Variants in ACIN1 observed in about 807,000 individuals in gnomAD.
ACIN1 encodes apoptotic chromatin condensation inducer in the nucleus.
ACIN1 carries 16 observed loss-of-function variants against 146.6 expected under a neutral mutation model. The observed-to-expected ratio is 0.11, with a 90% CI of 0.07 to 0.17. The LOEUF (loss-of-function observed/expected upper bound fraction) is 0.17. ACIN1 is among the 10% of genes least tolerant of loss of function. The probability of loss-of-function intolerance (pLI) is 1.00; values close to 1 mark genes in which losing one functional copy is unlikely to be tolerated. For missense variants in ACIN1, 1,357 were observed against 1,609.3 expected, an observed-to-expected ratio of 0.84 and a Z score of 2.68; for synonymous variants, 569 against 582.7, an observed-to-expected ratio of 0.98 and a Z score of 0.34.
intron 13 of ACIN1, 147 bp downstream of exon 13, chr14:23,063,289 T>C: frequency 8.3e-7 from 1 of 1,207,994 alleles, no homozygotes; most frequent in South Asian, 1.6e-5. Context: ...GGCCCTCAAG[T>C]AGCTTACTTA....
chr14:23,091,269 G>C (rs1009924604), intron 2 of ACIN1, among the ~76,000 whole-genome samples: 3 of 151,964 alleles, frequency 2.0e-5, no homozygotes, highest in Non-Finnish European at 2.9e-5. Flanking sequence ...AGATTACGTG[G>C]AACATTATCT....
rs555687125 is a variant in ACIN1 at position 23,067,729 on chromosome 14, T to C, written c.2266-1721A>G. 3.4e-4 allele frequency: 340 copies of C among 985,716 alleles called. No individual in the cohort carries two copies. The highest frequency in any genetic ancestry group is 4.0e-4 in the Non-Finnish European group (334 of 830,018). 61.1% of individuals were successfully genotyped at this position (985,716 alleles called of 1,614,324 possible). A position where few individuals can be genotyped will look rare whatever the true frequency, so the allele number is the denominator to read the frequency against. On this transcript the variant is annotated intron_variant, in intron 9 of 18. Coordinates refer to ENST00000605057, the MANE Select transcript of ACIN1 (RefSeq NM_001386863.1). The surrounding 1 kb of genome is among the most constrained non-coding windows in gnomAD (Gnocchi z 4.6). The stretch of plus-strand genomic sequence containing the variant: ...GCAGGCAGGACCCTATGTCCACCAG[T>C]GGCAAGCTGCAGCAATAACACCACC...
In ACIN1 at chr14:23,067,702, A is replaced by G. The variant is rs1297408303; in HGVS notation, c.2266-1694T>C. On this transcript the variant is annotated intron_variant, in intron 9 of 18. Coordinates refer to ENST00000605057, the MANE Select transcript of ACIN1 (RefSeq NM_001386863.1). The surrounding 1 kb of genome is among the most constrained non-coding windows in gnomAD (Gnocchi z 4.6). ...AATGATCCTTGCCTTTTATCGTGAG[A>G]GGCAGGCAGGACCCTATGTCCACCA... The G allele has an allele frequency of 1.0e-6, 1 of 985,944 alleles. No homozygotes were observed. The highest frequency in any genetic ancestry group is 1.2e-6 in the Non-Finnish European group (1 of 830,028). 61.1% of individuals were successfully genotyped at this position (985,944 alleles called of 1,614,324 possible). A position where few individuals can be genotyped will look rare whatever the true frequency, so the allele number is the denominator to read the frequency against.
chr14:23,086,758 A>G (rs1474215153), intron 4 of ACIN1, among the ~76,000 whole-genome samples: 1 of 152,206 alleles, frequency 6.6e-6, no homozygotes, highest in Non-Finnish European at 1.5e-5. Flanking sequence ...TACAGGTGTG[A>G]GACACCACAC....
rs746593831 is a variant in ACIN1 at position 23,080,574 on chromosome 14, G to A, written c.761C>T (p.Pro254Leu). The A allele has an allele frequency of 6.2e-7, 1 of 1,613,940 alleles. No individual in the cohort carries two copies. The highest frequency in any genetic ancestry group is 8.5e-7 in the Non-Finnish European group (1 of 1,179,990). Residue 254 changes from proline to leucine, a missense_variant, in exon 6 of 19, where the codon CCT becomes CTT. By Grantham distance (98) the Pro-to-Leu change is moderately conservative. Coordinates refer to ENST00000605057, the MANE Select transcript of ACIN1 (RefSeq NM_001386863.1). ...CATCATCTCCTCTGGTTTTACTCTA[G>A]GTATCTCTTCCCCTTCTTCCTTAAA... ...KEFKEEGEEI[P>L]RVKPEEMMDE...
chr14:23,059,030 G>A lies in ACIN1; in HGVS notation c.*118C>T, dbSNP rs2047181622. 4.3e-6 allele frequency: 4 copies of A among 924,164 alleles called. No homozygotes were observed. Among genetic ancestry groups the A allele is most frequent in the South Asian group, 3.0e-5 (2 of 65,994 alleles). The allele number at this position is 924,164 out of a possible 1,614,324, so 57.2% of individuals were successfully genotyped here. ...CACTTTTCCATTTGGTATGTATGTA[G>A]GGATAGGTGATGTGAAAGACCCTTG... On this transcript the variant is annotated 3_prime_UTR_variant, in exon 19 of 19. Coordinates refer to ENST00000605057, the MANE Select transcript of ACIN1 (RefSeq NM_001386863.1).
rs569873420 is a variant in ACIN1, at chr14:23,061,712, G to A, written c.3100-90C>T. The stretch of plus-strand genomic sequence containing the variant: ...AGGATGGCCGGGCGCGGTGGCTCAC[G>A]CCTGTAATCCCAGCACTTTGGGAGG... On this transcript the variant is annotated intron_variant, in intron 16 of 18. Coordinates refer to ENST00000605057, the MANE Select transcript of ACIN1 (RefSeq NM_001386863.1). 5.0e-5 allele frequency: 61 copies of A among 1,211,156 alleles called. No homozygotes were observed. The African/African-American group carries it at 6.5e-4, about 13-fold the overall frequency. The allele number at this position is 1,211,156 out of a possible 1,614,324, so 75.0% of individuals were successfully genotyped here.
chr14:23,061,810 G>A lies in ACIN1; in HGVS notation c.3100-188C>T, dbSNP rs923694619. On this transcript the variant is annotated intron_variant, in intron 16 of 18. Transcript: ENST00000605057. Reference sequence around the variant, plus strand: ...GACACGGTGAAACCCCGTCTCTACTGAAAATACAAAAAAATTAGCCGGGCG... The same window carrying A: ...GACACGGTGAAACCCCGTCTCTACTAAAAATACAAAAAAATTAGCCGGGCG... Among the ~76,000 whole-genome samples the A allele has an allele frequency of 7.2e-5, 11 of 151,836 alleles. No homozygotes were observed. In the East Asian group the frequency reaches 2.1e-3, roughly 29 times the overall value.
chr14:23,062,272 A>G lies in ACIN1; in HGVS notation c.2995T>C (p.Ser999Pro). Residue 999 changes from serine (S) to proline (P), a missense_variant, in exon 16 of 19, where the codon TCA (serine) becomes CCA (proline). Ser to Pro is a moderately conservative substitution (Grantham distance 74). Around this residue, in one of 4 missense-constraint regions of ACIN1, gnomAD observed 509 missense variants for 719.6 expected, o/e 0.71. Transcript: ENST00000605057. ...GTGGCAACAGCTTCCTCTACTGTTGAGTACTGGTGGAGGAAGGGAGAAGAT... is the reference window on the plus strand; with the variant it reads ...GTGGCAACAGCTTCCTCTACTGTTGGGTACTGGTGGAGGAAGGGAGAAGAT... ...KIKSHCFVTY[S>P]TVEEAVATRT... 6.8e-6 allele frequency: 11 copies of G among 1,613,068 alleles called. No individual in the cohort carries two copies. The highest frequency in any genetic ancestry group is 9.3e-6 in the Non-Finnish European group (11 of 1,179,132).
Position 23,080,457 on chromosome 14 carries a change from T to C in ACIN1, c.878A>G (p.His293Arg). The C allele has an allele frequency of 6.2e-7, 1 of 1,614,192 alleles. No homozygotes were observed. Among genetic ancestry groups the C allele is most frequent in the Non-Finnish European group, 8.5e-7 (1 of 1,180,042 alleles). ...CTTCTCCTGCTGCTGTCTGGCCAGA[T>C]GACTTTTTCTAGCCTCTTCCTGGGA... ...TRSQEEARKS[H>R]LARQQQEKEM... is the part of the protein sequence containing the mutation. The change falls in exon 6 of 19, where the codon CAT (histidine) becomes CGT (arginine). Residue 293 changes from histidine (H) to arginine (R), a missense_variant. Around this residue, in one of 4 missense-constraint regions of ACIN1, gnomAD observed 771 missense variants for 746.6 expected, o/e 1.03. Transcript: ENST00000605057.
chr14:23,071,970 G>A (rs1007856813), intron 8 of ACIN1, among the ~76,000 whole-genome samples: 2 of 152,178 alleles, frequency 1.3e-5, no homozygotes, highest in South Asian at 4.2e-4. Context: ...CTGGATAGAG[G>A]GTGGGGCATG....
At chr14:23,064,061 A>G in intron 12 of ACIN1, 44 bp downstream of exon 12, 1 of 1,610,240 alleles carries the variant, frequency 6.2e-7, no homozygotes, top group Non-Finnish European at 8.5e-7. Context: ...CTCTGCATCT[A>G]CTGCTCCCAC....
At chr14:23,077,961 C>T in intron 8 of ACIN1, 190 bp downstream of exon 8, 1 of 454,070 alleles carries the variant, frequency 2.2e-6, no homozygotes, top group Non-Finnish European at 3.9e-6. Flanking sequence ...CCCTGACGAC[C>T]ACTTTTCAGG....
intron 4 of ACIN1, among the ~76,000 whole-genome samples, chr14:23,088,126 G>A (rs2048133879): frequency 6.6e-6 from 1 of 152,164 alleles, no homozygotes; most frequent in Admixed American, 6.5e-5. Context: ...TACTCTCACA[G>A]AGATATGTAT....
intron 10 of ACIN1, 153 bp from the exon 11 acceptor site, chr14:23,064,641 G>A (rs962596630): frequency 6.6e-5 from 73 of 1,108,476 alleles, no homozygotes; most frequent in Non-Finnish European, 8.8e-5. Flanking sequence ...GCTCACACCT[G>A]TAATCCCAGC....
At position 23,063,451 on chromosome 14, in the gene ACIN1, G is replaced by A; in HGVS notation, c.2722C>T (p.His908Tyr). The stretch of plus-strand genomic sequence containing the variant: ...TGTCACTCACCTTTCTTTACTTCAT[G>A]CTCTGCAGGTGGGGGCAAGGCCACC... The part of the protein sequence containing the change: ...VEVALPPPAE[H>Y]EVKKVTLGDT... Residue 908 changes from histidine to tyrosine, a missense_variant, in exon 13 of 19, where the codon CAT becomes TAT. Transcript: ENST00000605057. The A allele has an allele frequency of 6.2e-7, 1 of 1,614,090 alleles. No individual in the cohort carries two copies. The highest frequency in any genetic ancestry group is 1.3e-5 in the African/African-American group (1 of 75,058).
intron 16 of ACIN1, 30 bp downstream of exon 16, chr14:23,062,138 T>A: frequency 6.4e-7 from 1 of 1,566,000 alleles, no homozygotes. Flanking sequence ...CCCCTGCCCC[T>A]CCTCTCTTTC....
Position 23,068,151 on chromosome 14 carries a change from A to C in ACIN1, c.2265+1325T>G. ...CAGCATTAAATCCCCAGGGGCTCAG[A>C]CCCTAGACTCCTCTGCACGGTTCCT... On this transcript the variant is annotated intron_variant, in intron 9 of 18. Coordinates refer to ENST00000605057, the MANE Select transcript of ACIN1 (RefSeq NM_001386863.1). The surrounding 1 kb of genome is among the most constrained non-coding windows in gnomAD (Gnocchi z 4.3). 1 of 985,860 alleles carries C rather than the reference A, an allele frequency of 1.0e-6. No homozygotes were observed. Among genetic ancestry groups the C allele is most frequent in the Non-Finnish European group, 1.2e-6 (1 of 829,970 alleles). The allele number at this position is 985,860 out of a possible 1,614,324, so 61.1% of individuals were successfully genotyped here. A position where few individuals can be genotyped will look rare whatever the true frequency, so the allele number is the denominator to read the frequency against.
At chr14:23,085,304 C>A (rs2048061688) in intron 4 of ACIN1, among the ~76,000 whole-genome samples, 1 of 152,182 alleles carries the variant, frequency 6.6e-6, no homozygotes, top group South Asian at 2.1e-4. Context: ...CACTGCACTC[C>A]AGCCTGGGCG....
Sources: allele counts gnomAD v4.1 joint callset (sites outside exome capture counted in the v4.1 genomes callset), GRCh38; gene constraint gnomAD v4.1.1; regional missense constraint gnomAD v4.1.1; non-coding constraint Gnocchi (gnomAD v3.1); transcripts MANE v1.5; gene names NCBI Gene and HGNC (gene_info 2026-07-23, HGNC 2026-07-21).